The following LAMC1 variants were observed in gnomAD, a reference collection of about 807,000 sequenced individuals.
LAMC1 encodes the protein laminin subunit gamma-1.
Under a neutral mutation model 173.6 loss-of-function variants are expected in LAMC1, and 38 were observed. That is an observed-to-expected ratio of 0.22 (90% confidence interval 0.17 to 0.29). The LOEUF is 0.29. Among genes scored for constraint, LAMC1 ranks in the 10% least tolerant of loss-of-function variants. The probability of loss-of-function intolerance (pLI) is 1.00; values close to 1 mark genes in which losing one functional copy is unlikely to be tolerated. For missense variants in LAMC1, 1,824 were observed against 2,051.8 expected (o/e 0.89, Z 2.14); for synonymous variants, 746 against 749.1 (o/e 1.00, Z 0.07).
intron 1 of LAMC1, among the ~76,000 whole-genome samples, chr1:183,068,678 A>T (rs186855116): frequency 6.6e-6 from 1 of 152,276 alleles, no homozygotes; most frequent in African/African-American, 2.4e-5. Flanking sequence ...ACGGTAGCTC[A>T]TGCCTGTAAT....
chr1:183,043,657 A>G (rs1654196535), intron 1 of LAMC1, among the ~76,000 whole-genome samples: 1 of 152,224 alleles, frequency 6.6e-6, no homozygotes, highest in African/African-American at 2.4e-5. Flanking sequence ...AATGTTTAAA[A>G]GAAGAAAAGA....
At chr1:183,060,200 C>CT (rs1265271928) in intron 1 of LAMC1, among the ~76,000 whole-genome samples, 1 of 152,148 alleles carries the variant, frequency 6.6e-6, no homozygotes, top group African/African-American at 2.4e-5. Flanking sequence ...GCCTTTCCCA[C>CT]TTGCTCCTTG....
chr1:183,104,648 T>C (rs945915487), intron 2 of LAMC1, among the ~76,000 whole-genome samples: 1 of 152,190 alleles, frequency 6.6e-6, no homozygotes, highest in African/African-American at 2.4e-5. Flanking sequence ...TTTCTCACCG[T>C]TATTATGTTC....
rs1230346568 is a variant in LAMC1, at chr1:183,142,725, C to G, written c.4765C>G (p.Leu1589Val). The G allele has an allele frequency of 6.2e-7, 1 of 1,614,018 alleles. No homozygotes were observed. The highest frequency in any genetic ancestry group is 2.2e-5 in the East Asian group (1 of 44,886). Residue 1589 changes from leucine (L) to valine (V), a missense_variant, in exon 28 of 28, where the codon CTG becomes GTG. Coordinates refer to ENST00000258341, the MANE Select transcript of LAMC1 (RefSeq NM_002293.4). ...IEEIMKDIRN[L>V]EDIRKTLPSG... ...GGAGATCATGAAGGACATTCGCAAT[C>G]TGGAGGACATCAGGAAGACCTTACC...
intron 1 of LAMC1, among the ~76,000 whole-genome samples, chr1:183,051,062 CTT>C (rs1419627072): frequency 2.6e-5 from 4 of 151,870 alleles, no homozygotes; most frequent in African/African-American, 9.7e-5. Flanking sequence ...GAGGTGTTTA[CTT>C]TTCAATATTC....
chr1:183,103,642 C>A lies in LAMC1; in HGVS notation c.723+10C>A. 6.5e-7 allele frequency: 1 copy of A among 1,528,008 alleles called. No individual in the cohort carries two copies. Among genetic ancestry groups the A allele is most frequent in the South Asian group, 1.3e-5 (1 of 76,058 alleles). The allele number at this position is 1,528,008 out of a possible 1,614,324, so 94.7% of individuals were successfully genotyped here. On this transcript the variant is annotated intron_variant, in intron 2 of 27. Transcript: ENST00000258341. The stretch of plus-strand genomic sequence containing the variant: ...TAGCCCTGTGCTGCAGGTAAATTCT[C>A]ACAGGTTGGCCTGAAGCCAGCTAGT...
chr1:183,066,434 A>T (rs1654874821), intron 1 of LAMC1, among the ~76,000 whole-genome samples: 1 of 152,200 alleles, frequency 6.6e-6, no homozygotes, highest in African/African-American at 2.4e-5. Flanking sequence ...ATACCATTTG[A>T]CTCAGCAATC....
intron 1 of LAMC1, among the ~76,000 whole-genome samples, chr1:183,087,108 G>A (rs1351638940): frequency 6.6e-6 from 1 of 152,094 alleles, no homozygotes; most frequent in Non-Finnish European, 1.5e-5. Flanking sequence ...TATCTCATCT[G>A]TCATATGGAA....
At chr1:183,122,312 G>T in intron 13 of LAMC1, 61 bp downstream of exon 13, 1 of 1,503,596 alleles carries the variant, frequency 6.7e-7, no homozygotes, top group Non-Finnish European at 9.1e-7. Flanking sequence ...CTAGGGGAAA[G>T]GGGCTTCGGA....
intron 4 of LAMC1, among the ~76,000 whole-genome samples, chr1:183,111,119 G>A (rs1656138715): frequency 6.8e-6 from 1 of 146,784 alleles, no homozygotes; most frequent in African/African-American, 2.5e-5. Context: ...TTGAGACTGA[G>A]TCTCACTCTG....
At chr1:183,114,191 T>A (rs1656248575) in intron 4 of LAMC1, among the ~76,000 whole-genome samples, 1 of 152,218 alleles carries the variant, frequency 6.6e-6, no homozygotes, top group Non-Finnish European at 1.5e-5. Flanking sequence ...TGCCTCAGCC[T>A]ACCAAGTGGC....
At chr1:183,045,517 T>C (rs1335317472) in intron 1 of LAMC1, among the ~76,000 whole-genome samples, 1 of 152,108 alleles carries the variant, frequency 6.6e-6, no homozygotes, top group Non-Finnish European at 1.5e-5. Context: ...GAAGTGTAGC[T>C]GTAGTTCATT....
intron 1 of LAMC1, among the ~76,000 whole-genome samples, chr1:183,076,190 C>T (rs1200380670): frequency 1.3e-5 from 2 of 152,142 alleles, no homozygotes; most frequent in Non-Finnish European, 2.9e-5. Context: ...AACTATGCCT[C>T]CACAGTAAAG....
intron 1 of LAMC1, among the ~76,000 whole-genome samples, chr1:183,044,469 C>G (rs1654214585): frequency 6.6e-6 from 1 of 152,078 alleles, no homozygotes; most frequent in African/African-American, 2.4e-5. Context: ...TAACTTAGAG[C>G]TGGGTACTTG....
intron 11 of LAMC1, 41 bp from the exon 12 acceptor site, chr1:183,121,682 A>G (rs2102090774): frequency 1.3e-6 from 2 of 1,546,918 alleles, no homozygotes; most frequent in South Asian, 1.2e-5. Flanking sequence ...GGTTTGGAAA[A>G]CAAGCCAGTT....
At position 183,108,480 on chromosome 1, in the gene LAMC1, C is replaced by T. The variant is rs3765521; in HGVS notation, c.854+74C>T. On this transcript the variant is annotated intron_variant, in intron 3 of 27. Coordinates refer to ENST00000258341, the MANE Select transcript of LAMC1 (RefSeq NM_002293.4). The stretch of plus-strand genomic sequence containing the variant: ...AGAGGTGAATCTAGCAACTTGTTTA[C>T]AACTATGTTAATACCGTTGTTAGAT... The T allele has an allele frequency of 0.56, 748,428 of 1,344,200 alleles. 213,069 individuals carry two copies. The highest frequency in any genetic ancestry group is 0.65 in the South Asian group (52,005 of 80,360). 83.3% of individuals were successfully genotyped at this position (1,344,200 alleles called of 1,614,324 possible).
At chr1:183,046,054 CTTT>C (rs1558031597) in intron 1 of LAMC1, among the ~76,000 whole-genome samples, 1 of 151,960 alleles carries the variant, frequency 6.6e-6, no homozygotes, top group African/African-American at 2.4e-5. Flanking sequence ...TATAATTTGT[CTTT>C]TACATTTTTT....
At chr1:183,105,068 AAGTT>A (rs1392670257) in intron 2 of LAMC1, among the ~76,000 whole-genome samples, 6 of 150,526 alleles carry the variant, frequency 4.0e-5, no homozygotes, top group Admixed American at 2.0e-4. Context: ...AAAAAAAAAA[AAGTT>A]AGTTAAGCAT....
At position 183,130,475 on chromosome 1, in the gene LAMC1, G is replaced by A. The variant is rs573452484; in HGVS notation, c.3412G>A (p.Val1138Ile). ...GNLAEQARAH[V>I]ENTERLIEIA... ...CTTGGCTGAACAAGCGCGTGCCCAT[G>A]TAGAGAACACAGAGCGGTTGATTGA... Residue 1138 changes from valine (V) to isoleucine (I), a missense_variant, in exon 19 of 28, where the codon GTA becomes ATA. By Grantham distance (29) the Val-to-Ile change is conservative (BLOSUM62 3). Coordinates refer to ENST00000258341, the MANE Select transcript of LAMC1 (RefSeq NM_002293.4). 3.7e-6 allele frequency: 6 copies of A among 1,614,070 alleles called. No individual in the cohort carries two copies. The highest frequency in any genetic ancestry group is 2.7e-5 in the African/African-American group (2 of 74,928).
Sources: allele counts gnomAD v4.1 joint callset (sites outside exome capture counted in the v4.1 genomes callset), GRCh38; gene constraint gnomAD v4.1.1; transcripts MANE v1.5; gene names NCBI Gene and HGNC (gene_info 2026-07-23, HGNC 2026-07-21).